Variants in PAXBP1 observed in about 807,000 individuals in gnomAD.
PAXBP1 encodes PAX3- and PAX7-binding protein 1.
A neutral mutation model predicts 119.9 loss-of-function variants in PAXBP1; 44 were observed. That is an observed-to-expected ratio of 0.37 (90% CI 0.29 to 0.47). The LOEUF is 0.47. PAXBP1 is among the 20% of genes least tolerant of loss of function. The pLI is 0.99. For synonymous variants in PAXBP1, 393 were observed against 406.6 expected (o/e 0.97, Z 0.40); for missense variants, 898 against 1,134.1 (o/e 0.79, Z 2.99).
At chr21:32,738,035 A>T in intron 16 of PAXBP1, 138 bp downstream of exon 16, 1 of 778,764 alleles carries the variant, frequency 1.3e-6, no homozygotes, top group Non-Finnish European at 1.9e-6. Flanking sequence ...CTACCTGGGT[A>T]GGCAAACTGT....
At chr21:32,747,702 T>G (rs2043895183) in intron 11 of PAXBP1, among the ~76,000 whole-genome samples, 1 of 152,072 alleles carries the variant, frequency 6.6e-6, no homozygotes, top group South Asian at 2.1e-4. Context: ...AACCACATTG[T>G]AAACATCACC....
chr21:32,769,989 A>G, intron 1 of PAXBP1, 47 bp from the exon 2 acceptor site: 1 of 1,396,948 alleles, frequency 7.2e-7, no homozygotes. Context: ...TTTTCTGAAA[A>G]TATTTTCCCT....
rs2043911005 is a variant in PAXBP1, at chr21:32,748,606, G to A, written c.1816C>T (p.Arg606Cys). 1.2e-6 allele frequency: 2 copies of A among 1,613,828 alleles called. No homozygotes were observed. Among genetic ancestry groups the A allele is most frequent in the Non-Finnish European group, 1.7e-6 (2 of 1,179,836 alleles). Residue 606 changes from arginine (R) to cysteine (C), a missense_variant, in exon 11 of 18, where the codon CGT becomes TGT. Coordinates refer to ENST00000331923, the MANE Select transcript of PAXBP1 (RefSeq NM_016631.4). The part of the protein sequence containing the change: ...DCIKSQFEAW[R>C]SKYYTSYKDA... ...TTGTAGGATGTGTAGTATTTTGAAC[G>A]CCATGCTTCAAACTGTGATTTAATA...
chr21:32,741,499 G>C (rs548445377), intron 15 of PAXBP1: 1 of 774,772 alleles, frequency 1.3e-6, no homozygotes, highest in African/African-American at 1.7e-5. Flanking sequence ...AAAAAGGTAT[G>C]ATCTACTGCT....
At chr21:32,757,518 T>C (rs954179360) in intron 7 of PAXBP1, among the ~76,000 whole-genome samples, 4 of 152,210 alleles carry the variant, frequency 2.6e-5, no homozygotes, top group Non-Finnish European at 5.9e-5. Flanking sequence ...TAAACTTCTC[T>C]AGGAACAAGG....
At chr21:32,756,091 TA>T in intron 7 of PAXBP1, 1 of 217,532 alleles carries the variant, frequency 4.6e-6, no homozygotes, top group South Asian at 5.3e-5. Context: ...ACAAAGTCAA[TA>T]ATTTTTCCAG....
At chr21:32,741,272 C>A (rs140364294) in intron 15 of PAXBP1, 9 of 323,836 alleles carry the variant, frequency 2.8e-5, no homozygotes, top group African/African-American at 1.7e-4. Context: ...TTGGAAATGT[C>A]GGGGCCAAGG....
At chr21:32,749,195 G>T (rs2043921237) in intron 10 of PAXBP1, among the ~76,000 whole-genome samples, 1 of 151,346 alleles carries the variant, frequency 6.6e-6, no homozygotes, top group African/African-American at 2.4e-5. Flanking sequence ...TTGCGAATAA[G>T]ATTTTTTTTT....
At chr21:32,745,031 G>A in intron 12 of PAXBP1, 118 bp from the exon 13 acceptor site, 11 of 1,120,200 alleles carry the variant, frequency 9.8e-6, no homozygotes, top group Non-Finnish European at 1.4e-5. Flanking sequence ...TACAATATAA[G>A]CTTTAGTCTT....
chr21:32,767,869 G>C (rs1022997531), intron 2 of PAXBP1, among the ~76,000 whole-genome samples: 2 of 152,142 alleles, frequency 1.3e-5, no homozygotes. Context: ...GCCTTTCTCA[G>C]TTGTCACTTA....
intron 1 of PAXBP1, among the ~76,000 whole-genome samples, chr21:32,770,872 C>T (rs1368824045): frequency 1.3e-5 from 2 of 152,200 alleles, no homozygotes; most frequent in South Asian, 2.1e-4. Flanking sequence ...GGCTTCTGTT[C>T]CCTCTCCTAG....
At chr21:32,750,178 T>A (rs1012538799) in intron 10 of PAXBP1, among the ~76,000 whole-genome samples, 6 of 152,154 alleles carry the variant, frequency 3.9e-5, no homozygotes, top group African/African-American at 1.2e-4. Context: ...GGAAACACAC[T>A]CTGAAATTTT....
chr21:32,741,441 G>GTT, intron 15 of PAXBP1: 1 of 617,526 alleles, frequency 1.6e-6, no homozygotes, highest in Admixed American at 2.2e-5. Context: ...TGTCTACTAT[G>GTT]TTTAGGTTTA....
chr21:32,740,253 TG>T (rs904007103), intron 15 of PAXBP1, among the ~76,000 whole-genome samples: 15 of 152,264 alleles, frequency 9.9e-5, no homozygotes, highest in Admixed American at 6.5e-4. Flanking sequence ...AAGTCCCCAA[TG>T]GGGGGGCCTT....
At chr21:32,761,589 C>A (rs138115679) in intron 4 of PAXBP1, among the ~76,000 whole-genome samples, 7 of 152,360 alleles carry the variant, frequency 4.6e-5, no homozygotes, top group African/African-American at 1.7e-4. Flanking sequence ...CAAGAATAGT[C>A]CTCTAACATA....
intron 4 of PAXBP1, 40 bp downstream of exon 4, chr21:32,762,056 G>A: frequency 6.2e-7 from 1 of 1,605,812 alleles, no homozygotes; most frequent in Non-Finnish European, 8.5e-7. Context: ...AACAAAAAAA[G>A]GCAATGCAAT....
intron 7 of PAXBP1, among the ~76,000 whole-genome samples, chr21:32,758,280 T>C (rs1361247929): frequency 1.3e-5 from 2 of 151,066 alleles, no homozygotes; most frequent in African/African-American, 4.9e-5. Flanking sequence ...TGCCTTCCAA[T>C]CCAAAGTTCA....
intron 7 of PAXBP1, among the ~76,000 whole-genome samples, chr21:32,758,657 A>C (rs1428173403): frequency 2.0e-5 from 3 of 151,296 alleles, no homozygotes; most frequent in Non-Finnish European, 4.4e-5. Context: ...AAAAAAAAAA[A>C]AAAAAAAAAC....
chr21:32,749,437 C>T (rs763990463), intron 10 of PAXBP1, among the ~76,000 whole-genome samples: 8 of 151,882 alleles, frequency 5.3e-5, no homozygotes, highest in South Asian at 2.1e-4. Context: ...TCAAGTGGTC[C>T]GCTGCCTCGG....
Sources: gnomAD v4.1 joint callset for allele counts (sites outside exome capture counted in the v4.1 genomes callset) on GRCh38, gnomAD v4.1.1 for gene constraint, MANE v1.5 for transcripts, NCBI Gene and HGNC (gene_info 2026-07-23, HGNC 2026-07-21) for gene names.